The following LIN28B variants were observed in gnomAD, a reference collection of about 807,000 sequenced individuals.
The protein encoded by LIN28B is protein lin-28 homolog B.
In LIN28B, 5 loss-of-function variants were observed where a neutral mutation model predicts 21.9. The ratio of observed to expected loss-of-function variants is 0.23; its 90% CI spans 0.12 to 0.48. LIN28B has a LOEUF of 0.48. LIN28B is among the 20% of genes least tolerant of loss of function. LIN28B has a pLI of 0.98. For synonymous variants in LIN28B, 109 were observed against 111.3 expected (o/e 0.98, Z 0.13); for missense variants, 245 against 310.5 (o/e 0.79, Z 1.58).
chr6:105,029,881 T>G (rs562589506), intron 3 of LIN28B, among the ~76,000 whole-genome samples: 1 of 152,260 alleles, frequency 6.6e-6, no homozygotes, highest in African/African-American at 2.4e-5. Flanking sequence ...GAATATAAAC[T>G]GTATAAAGAG....
intron 3 of LIN28B, among the ~76,000 whole-genome samples, chr6:105,033,773 T>C (rs866385030): frequency 5.0e-4 from 76 of 152,012 alleles, no homozygotes; most frequent in Middle Eastern, 6.8e-3. Context: ...TTGGGACTTT[T>C]TGTTCTCTTT....
chr6:105,035,318 T>C (rs1771501507), intron 3 of LIN28B, among the ~76,000 whole-genome samples: 1 of 152,232 alleles, frequency 6.6e-6, no homozygotes, highest in African/African-American at 2.4e-5. Context: ...TACCAATAAA[T>C]AACTGTTTCA....
chr6:105,016,826 T>C (rs551948856), intron 2 of LIN28B, among the ~76,000 whole-genome samples: 3 of 151,952 alleles, frequency 2.0e-5, no homozygotes, highest in East Asian at 1.9e-4. Context: ...CGAGGCTGAG[T>C]TGGGTGGATT....
intron 2 of LIN28B, among the ~76,000 whole-genome samples, chr6:104,939,813 G>A (rs1778057804): frequency 6.6e-6 from 1 of 152,156 alleles, no homozygotes. Flanking sequence ...ATTACAAGGC[G>A]ATATTCGATT....
chr6:105,037,234 C>T (rs1215610345), intron 3 of LIN28B, among the ~76,000 whole-genome samples: 1 of 152,098 alleles, frequency 6.6e-6, no homozygotes. Flanking sequence ...CACTGAAATA[C>T]TAGTTCTGCA....
At chr6:105,005,562 A>G (rs1770800170) in intron 2 of LIN28B, among the ~76,000 whole-genome samples, 1 of 152,152 alleles carries the variant, frequency 6.6e-6, no homozygotes, top group Admixed American at 6.5e-5. Context: ...CTCTTGAGAT[A>G]TGATGGGTTA....
At chr6:105,037,208 C>T (rs1771538140) in intron 3 of LIN28B, among the ~76,000 whole-genome samples, 1 of 151,786 alleles carries the variant, frequency 6.6e-6, no homozygotes, top group South Asian at 2.1e-4. Context: ...TTGTTACTTG[C>T]ACTGCTGAAT....
chr6:105,009,039 GAACT>G (rs1770872180), intron 2 of LIN28B, among the ~76,000 whole-genome samples: 1 of 152,158 alleles, frequency 6.6e-6, no homozygotes, highest in Non-Finnish European at 1.5e-5. Context: ...AAGTACTTTA[GAACT>G]AACTACTCTT....
intron 2 of LIN28B, among the ~76,000 whole-genome samples, chr6:104,976,452 A>G (rs1387821208): frequency 2.0e-5 from 3 of 152,222 alleles, no homozygotes; most frequent in African/African-American, 2.4e-5. Context: ...AGGAAGGACA[A>G]TGGAACTTTA....
At chr6:105,047,356 T>C (rs1771791121) in intron 3 of LIN28B, among the ~76,000 whole-genome samples, 1 of 152,184 alleles carries the variant, frequency 6.6e-6, no homozygotes, top group Admixed American at 6.5e-5. Context: ...CTGAGTGCTC[T>C]GTTCTGTTCC....
At chr6:105,003,427 T>C (rs948490088) in intron 2 of LIN28B, among the ~76,000 whole-genome samples, 8 of 152,174 alleles carry the variant, frequency 5.3e-5, no homozygotes, top group Non-Finnish European at 1.2e-4. Flanking sequence ...TACGAAGAAC[T>C]GAAGAATAAA....
chr6:105,050,782 A>G (rs1582919785), intron 3 of LIN28B, among the ~76,000 whole-genome samples: 1 of 151,494 alleles, frequency 6.6e-6, no homozygotes, highest in East Asian at 1.9e-4. Context: ...GGCCTCATAA[A>G]TTTTCTTAAA....
At chr6:104,937,570 T>G (rs572618867) in intron 2 of LIN28B, among the ~76,000 whole-genome samples, 1 of 152,310 alleles carries the variant, frequency 6.6e-6, no homozygotes, top group Non-Finnish European at 1.5e-5. Flanking sequence ...TGGCCAACTC[T>G]ATTTTTCAAA....
At chr6:104,991,880 G>C (rs919574444) in intron 2 of LIN28B, among the ~76,000 whole-genome samples, 3 of 152,132 alleles carry the variant, frequency 2.0e-5, no homozygotes, top group Non-Finnish European at 2.9e-5. Context: ...GGGTGGCGGC[G>C]TGCGCCTGCA....
intron 2 of LIN28B, among the ~76,000 whole-genome samples, chr6:105,025,423 A>G (rs1201227610): frequency 6.6e-6 from 1 of 152,130 alleles, no homozygotes; most frequent in African/African-American, 2.4e-5. Context: ...CAATTTTGTA[A>G]TTGGTGAACA....
At chr6:104,958,024 A>C in intron 1 of LIN28B, 75 bp from the exon 2 acceptor site, 20 of 1,027,036 alleles carry the variant, frequency 1.9e-5, no homozygotes, top group South Asian at 3.2e-5. Flanking sequence ...CCAGGCAGGC[A>C]ATTTTTTTTT....
intron 3 of LIN28B, among the ~76,000 whole-genome samples, chr6:105,064,336 A>G (rs916694296): frequency 3.3e-5 from 5 of 152,236 alleles, no homozygotes; most frequent in Admixed American, 2.0e-4. Context: ...AATGAAGCCA[A>G]AACTGGCTTT....
At chr6:105,061,077 A>G (rs986669520) in intron 3 of LIN28B, among the ~76,000 whole-genome samples, 4 of 152,208 alleles carry the variant, frequency 2.6e-5, no homozygotes, top group African/African-American at 9.7e-5. Flanking sequence ...TCCCTAGAAT[A>G]TAGGAATAGT....
intron 2 of LIN28B, among the ~76,000 whole-genome samples, chr6:104,982,393 C>T (rs1270428095): frequency 6.6e-6 from 1 of 151,756 alleles, no homozygotes; most frequent in African/African-American, 2.4e-5. Flanking sequence ...AGTTAATGCC[C>T]CAAAAGCATG....
Sources: gnomAD v4.1 joint callset for allele counts (sites outside exome capture counted in the v4.1 genomes callset) on GRCh38, gnomAD v4.1.1 for gene constraint, MANE v1.5 for transcripts, NCBI Gene and HGNC (gene_info 2026-07-23, HGNC 2026-07-21) for gene names.